Variants in TAFA2 observed in about 807,000 individuals in gnomAD.
TAFA2 encodes the protein TAFA chemokine like family member 2.
Under a neutral mutation model 18.8 loss-of-function variants are expected in TAFA2, and 7 were observed. That is an observed-to-expected ratio of 0.37 (90% confidence interval 0.21 to 0.70). The LOEUF (loss-of-function observed/expected upper bound fraction) is 0.70, where lower values mean the gene tolerates loss of function less well. TAFA2 is among the 30% of genes least tolerant of loss of function. The pLI is 0.53. For synonymous variants in TAFA2, 60 were observed against 54.2 expected (o/e 1.11, Z -0.47); for missense variants, 122 against 158.1 (o/e 0.77, Z 1.23).
chr12:62,015,011 A>C (rs546979959), intron 1 of TAFA2, among the ~76,000 whole-genome samples: 1 of 152,374 alleles, frequency 6.6e-6, no homozygotes, highest in East Asian at 1.9e-4. Context: ...TTTCCAAAAA[A>C]GTCTATCCTA....
chr12:61,711,697 T>A (rs1470348398), intron 4 of TAFA2, among the ~76,000 whole-genome samples: 2 of 151,604 alleles, frequency 1.3e-5, no homozygotes, highest in Admixed American at 1.3e-4. Flanking sequence ...TTTTCATGCA[T>A]GGAGACAGTC....
At chr12:61,723,700 G>A (rs986982924) in intron 4 of TAFA2, among the ~76,000 whole-genome samples, 2 of 152,136 alleles carry the variant, frequency 1.3e-5, no homozygotes, top group African/African-American at 4.8e-5. Context: ...AATGATGCAA[G>A]TAGATAATAG....
chr12:61,987,463 C>T (rs1879857424), intron 1 of TAFA2, among the ~76,000 whole-genome samples: 1 of 152,208 alleles, frequency 6.6e-6, no homozygotes, highest in South Asian at 2.1e-4. Flanking sequence ...CATTATTCCA[C>T]AGCCGGAGTA....
At chr12:61,995,968 T>G (rs190660164) in intron 1 of TAFA2, among the ~76,000 whole-genome samples, 1 of 151,848 alleles carries the variant, frequency 6.6e-6, no homozygotes, top group Non-Finnish European at 1.5e-5. Context: ...GTCCCAATAA[T>G]TCTGTCCCCC....
At chr12:61,786,498 G>C (rs77393405) in intron 2 of TAFA2, among the ~76,000 whole-genome samples, 5,647 of 151,606 alleles carry the variant, frequency 0.037, 193 homozygotes, top group East Asian at 0.17. Context: ...TTTAAAAATT[G>C]AAATTGATCC....
At chr12:62,063,867 C>CAT (rs1459315453) in intron 1 of TAFA2, among the ~76,000 whole-genome samples, 4 of 151,858 alleles carry the variant, frequency 2.6e-5, no homozygotes, top group Non-Finnish European at 5.9e-5. Context: ...CACACACACA[C>CAT]ACACACACAC....
At chr12:62,197,649 T>C (rs903639220), upstream of TAFA2, among the ~76,000 whole-genome samples, 49 of 152,342 alleles carry the variant, frequency 3.2e-4, no homozygotes, top group African/African-American at 1.1e-3. Flanking sequence ...TGATCTAGTT[T>C]CTGTCACTAT....
intron 1 of TAFA2, among the ~76,000 whole-genome samples, chr12:62,002,987 T>C (rs1244162418): frequency 6.6e-6 from 1 of 152,100 alleles, no homozygotes; most frequent in Non-Finnish European, 1.5e-5. Flanking sequence ...CTCTCTACCC[T>C]TCTTACTCAG....
At chr12:61,822,338 T>C (rs1872355234) in intron 2 of TAFA2, among the ~76,000 whole-genome samples, 1 of 152,158 alleles carries the variant, frequency 6.6e-6, no homozygotes, top group African/African-American at 2.4e-5. Flanking sequence ...CCATTTTCTA[T>C]GACATTTTAA....
At chr12:61,990,860 G>T (rs1046344673) in intron 1 of TAFA2, among the ~76,000 whole-genome samples, 9 of 152,166 alleles carry the variant, frequency 5.9e-5, no homozygotes, top group Non-Finnish European at 1.3e-4. Context: ...GTGGGTACAT[G>T]ATATGTAAAT....
chr12:61,962,153 A>T (rs749880728), intron 1 of TAFA2, among the ~76,000 whole-genome samples: 4 of 152,046 alleles, frequency 2.6e-5, no homozygotes, highest in Non-Finnish European at 5.9e-5. Context: ...TTTGTAGTTA[A>T]TGTAGAACTT....
intron 4 of TAFA2, among the ~76,000 whole-genome samples, chr12:61,740,790 A>G (rs905368739): frequency 6.6e-6 from 1 of 151,882 alleles, no homozygotes; most frequent in African/African-American, 2.4e-5. Context: ...TCAACAAAAT[A>G]ATCCTTTATT....
At chr12:62,019,927 T>C in intron 1 of TAFA2, among the ~76,000 whole-genome samples, 1 of 152,368 alleles carries the variant, frequency 6.6e-6, no homozygotes, top group Non-Finnish European at 1.5e-5. Flanking sequence ...AATTTCTTAA[T>C]ATATTTTTAT....
chr12:62,188,255 G>T (rs1054217556), intron 1 of TAFA2, among the ~76,000 whole-genome samples: 2 of 152,030 alleles, frequency 1.3e-5, no homozygotes, highest in Non-Finnish European at 2.9e-5. Flanking sequence ...AAACAAAACT[G>T]CATTGCACAG....
chr12:62,037,802 A>C, intron 1 of TAFA2, among the ~76,000 whole-genome samples: 1 of 152,354 alleles, frequency 6.6e-6, no homozygotes, highest in East Asian at 1.9e-4. Flanking sequence ...AAGTCACAAC[A>C]TAAATTATTT....
intron 1 of TAFA2, among the ~76,000 whole-genome samples, chr12:62,205,380 G>A (rs955934654): frequency 6.6e-6 from 1 of 152,222 alleles, no homozygotes; most frequent in Non-Finnish European, 1.5e-5. Context: ...TGCACAGGGG[G>A]AAATCTCACT....
intron 1 of TAFA2, among the ~76,000 whole-genome samples, chr12:62,023,937 G>A (rs768318733): frequency 1.4e-4 from 22 of 152,112 alleles, no homozygotes; most frequent in Non-Finnish European, 2.8e-4. Flanking sequence ...AGTTAAATAG[G>A]CATTTGTTAA....
chr12:61,796,571 TGAAAAAGAA>T (rs911352404), intron 2 of TAFA2, among the ~76,000 whole-genome samples: 1 of 152,066 alleles, frequency 6.6e-6, no homozygotes, highest in Non-Finnish European at 1.5e-5. Context: ...GAGGAATTTT[TGAAAAAGAA>T]GAAAACAAGG....
chr12:62,009,234 A>C (rs2136710119), intron 1 of TAFA2, among the ~76,000 whole-genome samples: 1 of 152,336 alleles, frequency 6.6e-6, no homozygotes, highest in Admixed American at 6.5e-5. Flanking sequence ...GGGCATCATA[A>C]GGCCAAAAGA....
Sources: gnomAD v4.1 joint callset for allele counts (sites outside exome capture counted in the v4.1 genomes callset) on GRCh38, gnomAD v4.1.1 for gene constraint, MANE v1.5 for transcripts, NCBI Gene and HGNC (gene_info 2026-07-23, HGNC 2026-07-21) for gene names.